SMTNL2: variants seen among roughly 807,000 people sequenced by gnomAD.
SMTNL2 encodes smoothelin like 2.
In SMTNL2, 43 loss-of-function variants were observed where a neutral mutation model predicts 44.1. That is an observed-to-expected ratio of 0.98 (90% CI 0.76 to 1.26). SMTNL2 has a LOEUF of 1.26. Among genes scored for constraint, SMTNL2 ranks in the 50% most tolerant of loss-of-function variants. The pLI is 0.00. For missense variants in SMTNL2, 646 were observed against 670.2 expected (o/e 0.96, Z 0.40); for synonymous variants, 317 against 287.6 (o/e 1.10, Z -1.03).
rs1157830365 is a variant in SMTNL2 at position 4,600,502 on chromosome 17, A to C, written c.1259+3179A>C. Among the ~76,000 whole-genome samples the C allele has an allele frequency of 6.6e-6, 1 of 152,170 alleles. No homozygotes were observed. The highest frequency in any genetic ancestry group is 1.5e-5 in the Non-Finnish European group (1 of 68,034). ...AGCATTTCCCCGAGCAAGTGCCTTAAAGGCACAAGGATCAAGGATGCACCA... is the reference window on the plus strand; with the variant it reads ...AGCATTTCCCCGAGCAAGTGCCTTACAGGCACAAGGATCAAGGATGCACCA... On this transcript the variant is annotated intron_variant, in intron 7 of 7. Coordinates refer to ENST00000389313, the MANE Select transcript of SMTNL2 (RefSeq NM_001114974.2). This position sits in a 1 kb window ranked among gnomAD's most constrained non-coding sequence, Gnocchi z 4.7.
intron 1 of SMTNL2, among the ~76,000 whole-genome samples, chr17:4,589,938 CTTTTTTTTTTT>C (rs780984262): frequency 1.2e-4 from 7 of 59,872 alleles, no homozygotes; most frequent in South Asian, 6.7e-4. Context: ...ACGCACCTGG[CTTTTTTTTTTT>C]TTTTTTTTTT....
chr17:4,594,172 G>A (rs1909704904), intron 4 of SMTNL2, among the ~76,000 whole-genome samples: 1 of 152,176 alleles, frequency 6.6e-6, no homozygotes, highest in Non-Finnish European at 1.5e-5. Flanking sequence ...GGAGTGGCCG[G>A]GCGCGGTGGC....
rs4790655 is a variant in SMTNL2 at position 4,595,387 on chromosome 17, C to T, written c.989+60C>T. The T allele has an allele frequency of 1.3e-6, 2 of 1,576,446 alleles. No homozygotes were observed. Among genetic ancestry groups the T allele is most frequent in the African/African-American group, 1.3e-5 (1 of 74,550 alleles). On this transcript the variant is annotated intron_variant, in intron 5 of 7. Coordinates refer to ENST00000389313, the MANE Select transcript of SMTNL2 (RefSeq NM_001114974.2). This position sits in a 1 kb window ranked among gnomAD's most constrained non-coding sequence, Gnocchi z 5.1. The stretch of plus-strand genomic sequence containing the variant: ...ACGGTGTGCCCAGACCCAGACGGGG[C>T]TTGGGTGGGTGCAGCAGGGCAAGGT...
intron 1 of SMTNL2, among the ~76,000 whole-genome samples, chr17:4,590,140 T>C (rs769622287): frequency 6.6e-6 from 1 of 151,894 alleles, no homozygotes; most frequent in Non-Finnish European, 1.5e-5. Context: ...CTAATTGTTG[T>C]ATTTTTAGTA....
At chr17:4,585,121 G>C in intron 1 of SMTNL2, 117 bp downstream of exon 1, 1 of 1,173,102 alleles carries the variant, frequency 8.5e-7, no homozygotes, top group Non-Finnish European at 1.1e-6. Context: ...GCCTTCACCG[G>C]CCGCTCGGAC....
chr17:4,596,885 C>G lies in SMTNL2; in HGVS notation c.1015C>G (p.Leu339Val), dbSNP rs1367942668. 6.6e-7 allele frequency: 1 copy of G among 1,509,850 alleles called. No individual in the cohort carries two copies. The highest frequency in any genetic ancestry group is 2.5e-5 in the East Asian group (1 of 39,806). The allele number at this position is 1,509,850 out of a possible 1,614,324, so 93.5% of individuals were successfully genotyped here. A position where few individuals can be genotyped will look rare whatever the true frequency, so the allele number is the denominator to read the frequency against. ...GKGKGEARAR[L>V]KRSQSFGVAS... ...GGGGAAAGGCGAGGCCCGGGCCAGG[C>G]TGAAGCGGTCGCAGAGCTTCGGCGT... The change falls in exon 6 of 8, where the codon CTG (leucine) becomes GTG (valine). Residue 339 changes from leucine (L) to valine (V), a missense_variant. Transcript: ENST00000389313.
rs888765438 is a variant in SMTNL2, at chr17:4,584,577, C to G, written c.-29C>G. On this transcript the variant is annotated 5_prime_UTR_variant, in exon 1 of 8. Transcript: ENST00000389313. ...CTCGGATCTTCTCCCCCGTCTGGCC[C>G]GCTCTCGACCCGCGCGCTCTGCTGG... The G allele has an allele frequency of 6.5e-4, 789 of 1,221,422 alleles. No homozygotes were observed. The highest frequency in any genetic ancestry group is 7.7e-4 in the Non-Finnish European group (753 of 980,988). 75.7% of individuals were successfully genotyped at this position (1,221,422 alleles called of 1,614,324 possible).
intron 6 of SMTNL2, 21 bp downstream of exon 6, chr17:4,596,998 G>A (rs769793496): frequency 4.7e-5 from 70 of 1,484,404 alleles, no homozygotes; most frequent in Admixed American, 1.4e-4. Flanking sequence ...GCTCCCCTCC[G>A]GCTGCTGGGA....
At chr17:4,602,769 G>T (rs997683043) in intron 7 of SMTNL2, among the ~76,000 whole-genome samples, 1 of 152,214 alleles carries the variant, frequency 6.6e-6, no homozygotes, top group Non-Finnish European at 1.5e-5. Flanking sequence ...CTCTCTGCCT[G>T]TGGGAGGCGG....
At chr17:4,594,996 C>T in intron 4 of SMTNL2, 149 bp from the exon 5 acceptor site, 1 of 1,044,186 alleles carries the variant, frequency 9.6e-7, no homozygotes, top group East Asian at 2.6e-5. Context: ...GTCAAACCAG[C>T]TAGGGACCGG....
chr17:4,595,956 G>T lies in SMTNL2; in HGVS notation c.989+629G>T, dbSNP rs1003383139. 6.7e-6 allele frequency among the ~76,000 whole-genome samples: 1 copy of T among 150,222 alleles called. No homozygotes were observed. Among genetic ancestry groups the T allele is most frequent in the Middle Eastern group, 3.5e-3 (1 of 288 alleles). ...GTGTGCAGGGTGTGGCCCAAGCGTGGTATTGATGTCTGCTGTGTGCAGGGT... is the reference window on the plus strand; with the variant it reads ...GTGTGCAGGGTGTGGCCCAAGCGTGTTATTGATGTCTGCTGTGTGCAGGGT... On this transcript the variant is annotated intron_variant, in intron 5 of 7. Coordinates refer to ENST00000389313, the MANE Select transcript of SMTNL2 (RefSeq NM_001114974.2). This position sits in a 1 kb window ranked among gnomAD's most constrained non-coding sequence, Gnocchi z 5.1.
chr17:4,595,309 A>C lies in SMTNL2; in HGVS notation c.971A>C (p.Gln324Pro), dbSNP rs1909764051. Residue 324 changes from glutamine (Q) to proline (P), a missense_variant, in exon 5 of 8, where the codon CAG becomes CCG. Physicochemically the swap from Gln to Pro is moderately conservative, Grantham distance 76. Transcript: ENST00000389313. This position sits in a 1 kb window ranked among gnomAD's most constrained non-coding sequence, Gnocchi z 5.1. ...ARKALFEKWE[Q>P]ETAAGKGKGE... ...AAAGCATTGTTTGAGAAGTGGGAGC[A>C]GGAAACGGCGGCCGGCAAGTACGGA... The C allele has an allele frequency of 1.2e-6, 2 of 1,612,692 alleles. No individual in the cohort carries two copies. Among genetic ancestry groups the C allele is most frequent in the East Asian group, 4.5e-5 (2 of 44,866 alleles).
At chr17:4,606,341 C>T (rs899171001) in intron 7 of SMTNL2, among the ~76,000 whole-genome samples, 32 of 151,720 alleles carry the variant, frequency 2.1e-4, no homozygotes, top group Non-Finnish European at 3.7e-4. Flanking sequence ...AGGCTGGTCT[C>T]GAACTCCTGA....
In SMTNL2 at chr17:4,595,437, C is replaced by T. The variant is rs963511308; in HGVS notation, c.989+110C>T. 69 of 1,420,474 alleles carry T rather than the reference C, an allele frequency of 4.9e-5. No individual in the cohort carries two copies. The highest frequency in any genetic ancestry group is 2.6e-4 in the Admixed American group (11 of 41,558). 88.0% of individuals were successfully genotyped at this position (1,420,474 alleles called of 1,614,324 possible). A position where few individuals can be genotyped will look rare whatever the true frequency, so the allele number is the denominator to read the frequency against. On this transcript the variant is annotated intron_variant, in intron 5 of 7. Transcript: ENST00000389313. The surrounding 1 kb of genome is among the most constrained non-coding windows in gnomAD (Gnocchi z 5.1). ...TTCAGCCCTGTCCTGTTCCCCAGGG[C>T]GCTGTTGCCCAGGACAAGATCTCTT...
intron 7 of SMTNL2, among the ~76,000 whole-genome samples, chr17:4,604,806 G>A (rs1237168100): frequency 6.6e-6 from 1 of 152,042 alleles, no homozygotes; most frequent in Admixed American, 6.6e-5. Flanking sequence ...CAAGTAGCTG[G>A]GATTTCAGGC....
intron 7 of SMTNL2, among the ~76,000 whole-genome samples, chr17:4,602,207 G>T (rs1371985177): frequency 6.6e-6 from 1 of 152,032 alleles, no homozygotes; most frequent in Non-Finnish European, 1.5e-5. Flanking sequence ...GCTCATTGGC[G>T]CATTTTGGAT....
At chr17:4,593,742 G>A (rs980153335) in intron 3 of SMTNL2, 80 bp from the exon 4 acceptor site, 1 of 1,427,008 alleles carries the variant, frequency 7.0e-7, no homozygotes. Context: ...ATGAGGCAGG[G>A]CTGGGTCAGA....
rs752265268 is a variant in SMTNL2 at position 4,602,872 on chromosome 17, T to C, written c.1260-4489T>C. On this transcript the variant is annotated intron_variant, in intron 7 of 7. Transcript: ENST00000389313. ...CAGGAGACGGTGGTTGCGTGTTGCA[T>C]ATTGTGACCCCTCCCTGCTCCCCTA... Among the ~76,000 whole-genome samples the C allele has an allele frequency of 3.7e-4, 56 of 152,102 alleles. 1 individual carries two copies. Among genetic ancestry groups the C allele is most frequent in the Non-Finnish European group, 5.0e-4 (34 of 68,008 alleles).
chr17:4,602,070 T>A (rs1910060017), intron 7 of SMTNL2, among the ~76,000 whole-genome samples: 5 of 152,256 alleles, frequency 3.3e-5, no homozygotes, highest in Admixed American at 3.3e-4. Flanking sequence ...CAGAAGTGTT[T>A]TGGATTTTAG....
Sources: allele counts gnomAD v4.1 joint callset (sites outside exome capture counted in the v4.1 genomes callset), GRCh38; gene constraint gnomAD v4.1.1; non-coding constraint Gnocchi (gnomAD v3.1); transcripts MANE v1.5; gene names NCBI Gene and HGNC (gene_info 2026-07-23, HGNC 2026-07-21).